Variants in JAK3 observed in about 807,000 individuals in gnomAD.
JAK3 encodes Janus kinase 3.
A neutral mutation model predicts 120.8 loss-of-function variants in JAK3; 88 were observed. The ratio of observed to expected loss-of-function variants is 0.73; its 90% CI spans 0.61 to 0.87. The LOEUF (loss-of-function observed/expected upper bound fraction) is 0.87, where lower values mean the gene tolerates loss of function less well. Among genes scored for constraint, JAK3 ranks in the 40% least tolerant of loss-of-function variants. The pLI is 0.00. For missense variants in JAK3, 1,254 were observed against 1,501.4 expected, an observed-to-expected ratio of 0.84 and a Z score of 2.72; for synonymous variants, 592 against 628.6, an observed-to-expected ratio of 0.94 and a Z score of 0.87.
At chr19:17,840,775 A>AAG (rs2094236462) in intron 8 of JAK3, among the ~76,000 whole-genome samples, 1 of 151,564 alleles carries the variant, frequency 6.6e-6, no homozygotes, top group African/African-American at 2.4e-5. Context: ...AAAAAAAAAG[A>AAG]AAAAAGAAAA....
intron 13 of JAK3, 94 bp from the exon 14 acceptor site, chr19:17,836,145 A>T: frequency 6.9e-7 from 1 of 1,442,006 alleles, no homozygotes; most frequent in East Asian, 2.3e-5. Flanking sequence ...GGTCTCTCAA[A>T]CTCTCATCTC....
Position 17,842,485 on chromosome 19 carries a change from C to G in JAK3, c.692G>C (p.Arg231Pro), listed in dbSNP as rs557965316. The stretch of plus-strand genomic sequence containing the variant: ...GATGTACTTGGCCATGAGCGAGTGC[C>G]GGTCTGCCTGGCAGGCGGCCACGCG... ...LRRVAACQAD[R>P]HSLMAKYIMD... Residue 231 changes from arginine to proline, a missense_variant, in exon 6 of 24, where the codon CGG becomes CCG. Arg to Pro is a moderately radical substitution (Grantham distance 103, BLOSUM62 -2). Transcript: ENST00000458235. The surrounding 1 kb of genome is among the most constrained non-coding windows in gnomAD (Gnocchi z 6.4). The G allele has an allele frequency of 2.5e-6, 4 of 1,599,744 alleles. No individual in the cohort carries two copies. Among genetic ancestry groups the G allele is most frequent in the African/African-American group, 2.7e-5 (2 of 74,842 alleles).
Position 17,840,311 on chromosome 19 carries a change from A to C in JAK3, c.1173T>G (p.Thr391=), listed in dbSNP as rs1369389473. ...TLDFAINKLK[T]GGSRPGSYVL... ...CATAGGAGCCAGGACGTGAGCCCCC[A>C]GTCTTGAGCTTGTTGATGGCAAAGT... The change falls in exon 9 of 24, where the codon ACT becomes ACG. Residue 391 remains threonine, a synonymous_variant. Coordinates refer to ENST00000458235, the MANE Select transcript of JAK3 (RefSeq NM_000215.4). 1.2e-6 allele frequency: 2 copies of C among 1,613,964 alleles called. No homozygotes were observed. The highest frequency in any genetic ancestry group is 1.7e-6 in the Non-Finnish European group (2 of 1,179,978).
At position 17,826,655 on chromosome 19, in the gene JAK3, G is replaced by T. The variant is rs2094204429; in HGVS notation, c.*88C>A. 2 of 1,422,122 alleles carry T rather than the reference G, an allele frequency of 1.4e-6. No homozygotes were observed. Among genetic ancestry groups the T allele is most frequent in the Non-Finnish European group, 9.9e-7 (1 of 1,005,880 alleles). 88.1% of individuals were successfully genotyped at this position (1,422,122 alleles called of 1,614,324 possible). On this transcript the variant is annotated 3_prime_UTR_variant, in exon 24 of 24. Transcript: ENST00000458235. ...TCCTGAAGTAGAGGACCCTCATAAG[G>T]CCTCTGAGGCCCAGAGAGGGGCAGC...
Position 17,843,584 on chromosome 19 carries a change from G to A in JAK3, c.309-93C>T. 9 of 1,177,466 alleles carry A rather than the reference G, an allele frequency of 7.6e-6. No individual in the cohort carries two copies. The highest frequency in any genetic ancestry group is 1.1e-5 in the Non-Finnish European group (9 of 794,826). 72.9% of individuals were successfully genotyped at this position (1,177,466 alleles called of 1,614,324 possible). On this transcript the variant is annotated intron_variant, in intron 3 of 23. Coordinates refer to ENST00000458235, the MANE Select transcript of JAK3 (RefSeq NM_000215.4). The surrounding 1 kb of genome is among the most constrained non-coding windows in gnomAD (Gnocchi z 5.4). ...GGGGGCGAGGGACAGATTCTGCGGA[G>A]GCCTCACAGAGCCCAGCTTGTACCT...
At chr19:17,827,269 G>A (rs1003718454) in intron 23 of JAK3, among the ~76,000 whole-genome samples, 3 of 152,026 alleles carry the variant, frequency 2.0e-5, no homozygotes, top group South Asian at 2.1e-4. Context: ...ATGAGCCACC[G>A]CACTCATTCA....
chr19:17,844,133 G>T, intron 2 of JAK3, 101 bp downstream of exon 2: 1 of 1,340,926 alleles, frequency 7.5e-7, no homozygotes. Context: ...CAAAGCCCCA[G>T]CTCCGATGCT....
intron 13 of JAK3, among the ~76,000 whole-genome samples, chr19:17,836,512 T>A (rs766945526): frequency 4.6e-5 from 7 of 152,246 alleles, no homozygotes; most frequent in Middle Eastern, 6.8e-3. Flanking sequence ...GAACTCCTGA[T>A]CTCAGGTGAT....
Position 17,843,830 on chromosome 19 carries a change from G to C in JAK3, c.255C>G (p.Ser85Arg). The C allele has an allele frequency of 6.2e-7, 1 of 1,613,454 alleles. No homozygotes were observed. Among genetic ancestry groups the C allele is most frequent in the South Asian group, 1.1e-5 (1 of 91,080 alleles). The change falls in exon 3 of 24, where the codon AGC (serine) becomes AGG (arginine). Residue 85 changes from serine to arginine, a missense_variant. Coordinates refer to ENST00000458235, the MANE Select transcript of JAK3 (RefSeq NM_000215.4). This position sits in a 1 kb window ranked among gnomAD's most constrained non-coding sequence, Gnocchi z 5.4. ...TEDLSCWFPP[S>R]HIFSVEDAST... ...TGGCATCCTCCACGGAGAAGATGTG[G>C]CTCGGGGGGAACCAGCAGGACAGGT... is the stretch of plus-strand genomic sequence containing the variant.
Position 17,843,246 on chromosome 19 carries a change from C to G in JAK3, c.421-74G>C. On this transcript the variant is annotated intron_variant, in intron 4 of 23. Transcript: ENST00000458235. This position sits in a 1 kb window ranked among gnomAD's most constrained non-coding sequence, Gnocchi z 5.4. ...CCCTGTTGTTAACCTGCAGACCCCC[C>G]CAATCCTGGGCTGACCCCCACCCCT... is the stretch of plus-strand genomic sequence containing the variant. The G allele has an allele frequency of 6.4e-7, 1 of 1,553,084 alleles. No homozygotes were observed. Among genetic ancestry groups the G allele is most frequent in the Admixed American group, 1.9e-5 (1 of 51,844 alleles).
chr19:17,843,683 G>T lies in JAK3; in HGVS notation c.308+94C>A. 6.7e-7 allele frequency: 1 copy of T among 1,489,972 alleles called. No homozygotes were observed. The highest frequency in any genetic ancestry group is 1.1e-5 in the South Asian group (1 of 88,170). 92.3% of individuals were successfully genotyped at this position (1,489,972 alleles called of 1,614,324 possible). Reference sequence around the variant, plus strand: ...TTTCCTCATCTGAGAAATGGGTAGTGACCATACCTCCCTGGGGCAGGGGTG... The same window carrying T: ...TTTCCTCATCTGAGAAATGGGTAGTTACCATACCTCCCTGGGGCAGGGGTG... On this transcript the variant is annotated intron_variant, in intron 3 of 23. Coordinates refer to ENST00000458235, the MANE Select transcript of JAK3 (RefSeq NM_000215.4). The surrounding 1 kb of genome is among the most constrained non-coding windows in gnomAD (Gnocchi z 5.4).
At position 17,826,119 on chromosome 19, in the gene JAK3, C is replaced by T. The variant is rs2094203544; in HGVS notation, c.*624G>A. 6.6e-6 allele frequency: 1 copy of T among 150,646 alleles called. No homozygotes were observed. 9.3% of individuals were successfully genotyped at this position (150,646 alleles called of 1,614,324 possible). A position where few individuals can be genotyped will look rare whatever the true frequency, so the allele number is the denominator to read the frequency against. Reference sequence around the variant, plus strand: ...AAAAAAAAGCCTGGGTGCAGTGGCTCATGCCTATTATTCCAACACTTTGGG... The same window carrying T: ...AAAAAAAAGCCTGGGTGCAGTGGCTTATGCCTATTATTCCAACACTTTGGG... On this transcript the variant is annotated 3_prime_UTR_variant, in exon 24 of 24. Coordinates refer to ENST00000458235, the MANE Select transcript of JAK3 (RefSeq NM_000215.4).
At chr19:17,830,425 A>C in intron 22 of JAK3, 78 bp downstream of exon 22, 2 of 1,171,844 alleles carry the variant, frequency 1.7e-6, no homozygotes, top group South Asian at 2.6e-5. Context: ...AGAGGGACGC[A>C]GGCGCAGACA....
At chr19:17,845,548 G>A (rs962078991) in intron 1 of JAK3, among the ~76,000 whole-genome samples, 1 of 152,080 alleles carries the variant, frequency 6.6e-6, no homozygotes, top group Admixed American at 6.6e-5. Context: ...TTGACAGGCC[G>A]AGGCAGGTGG....
In JAK3 at chr19:17,837,179, A is replaced by C; in HGVS notation, c.1736T>G (p.Val579Gly). Residue 579 changes from valine (V) to glycine (G), a missense_variant, in exon 13 of 24, where the codon GTG (valine) becomes GGG (glycine). Physicochemically the swap from Val to Gly is moderately radical, Grantham distance 109. Transcript: ENST00000458235. ...FLEAASLMSQ[V>G]SYRHLVLLHG... ...GAGCAGCACGAGATGCCGGTACGACACTTGGCTCATCAAGCTCGCTGCTTC... is the reference window on the plus strand; with the variant it reads ...GAGCAGCACGAGATGCCGGTACGACCCTTGGCTCATCAAGCTCGCTGCTTC... 1 of 1,573,800 alleles carries C rather than the reference A, an allele frequency of 6.4e-7. No individual in the cohort carries two copies. Among genetic ancestry groups the C allele is most frequent in the Non-Finnish European group, 8.6e-7 (1 of 1,159,364 alleles).
At position 17,831,044 on chromosome 19, in the gene JAK3, G is replaced by A. The variant is rs2094213382; in HGVS notation, c.2978+184C>T. Among the ~76,000 whole-genome samples the A allele has an allele frequency of 6.8e-6, 1 of 147,400 alleles. No homozygotes were observed. Among genetic ancestry groups the A allele is most frequent in the Admixed American group, 6.8e-5 (1 of 14,712 alleles). On this transcript the variant is annotated intron_variant, in intron 21 of 23. Coordinates refer to ENST00000458235, the MANE Select transcript of JAK3 (RefSeq NM_000215.4). This position sits in a 1 kb window ranked among gnomAD's most constrained non-coding sequence, Gnocchi z 5.1. ...GGGGCCGCTGACAGCAGGGCAGCGG[G>A]AGACAGAGGAGCCAGTGCTGTTGAG...
intron 23 of JAK3, among the ~76,000 whole-genome samples, chr19:17,827,852 A>G (rs2094206988): frequency 6.7e-6 from 1 of 148,340 alleles, no homozygotes; most frequent in Admixed American, 6.8e-5. Context: ...TGGTGAGCCG[A>G]GATTGCGCCA....
intron 13 of JAK3, among the ~76,000 whole-genome samples, chr19:17,836,431 T>C (rs1280389534): frequency 6.6e-6 from 1 of 152,166 alleles, no homozygotes; most frequent in Middle Eastern, 3.2e-3. Context: ...TACAGGCGCA[T>C]GCCACCACAC....
chr19:17,834,830 A>C lies in JAK3; in HGVS notation c.2199+22T>G. On this transcript the variant is annotated intron_variant, in intron 16 of 23. Coordinates refer to ENST00000458235, the MANE Select transcript of JAK3 (RefSeq NM_000215.4). ...TGTCAAAGTGGGGGTTCGGAGACCGATGCCGGGTGAGGGGCTCTGACCTTA... is the reference window on the plus strand; with the variant it reads ...TGTCAAAGTGGGGGTTCGGAGACCGCTGCCGGGTGAGGGGCTCTGACCTTA... 1.9e-6 allele frequency: 3 copies of C among 1,613,722 alleles called. No individual in the cohort carries two copies. In the African/African-American group the frequency reaches 4.0e-5, roughly 22 times the overall value.
Sources: gnomAD v4.1 joint callset for allele counts (sites outside exome capture counted in the v4.1 genomes callset) on GRCh38, gnomAD v4.1.1 for gene constraint, Gnocchi (gnomAD v3.1) non-coding constraint, MANE v1.5 for transcripts, NCBI Gene and HGNC (gene_info 2026-07-23, HGNC 2026-07-21) for gene names.